The following NSUN6 variants were observed in gnomAD, a reference collection of about 807,000 sequenced individuals.
NSUN6 encodes tRNA (cytosine(72)-C(5))-methyltransferase NSUN6.
A neutral mutation model predicts 58.0 loss-of-function variants in NSUN6; 64 were observed. The observed-to-expected ratio is 1.10, with a 90% confidence interval of 0.90 to 1.36. The LOEUF is 1.36. Ranked by LOEUF, NSUN6 falls within the 40% of genes most tolerant of loss-of-function variation. NSUN6 has a pLI of 0.00. For missense variants in NSUN6, 701 were observed against 550.1 expected (o/e 1.27, Z -2.74); for synonymous variants, 231 against 193.9 (o/e 1.19, Z -1.59).
At chr10:18,611,864 C>T (rs1319305197) in intron 5 of NSUN6, among the ~76,000 whole-genome samples, 1 of 152,242 alleles carries the variant, frequency 6.6e-6, no homozygotes, top group Non-Finnish European at 1.5e-5. Flanking sequence ...AGCCACCATG[C>T]CTGGCGCCCT....
intron 3 of NSUN6, among the ~76,000 whole-genome samples, chr10:18,624,288 A>G (rs2058709558): frequency 6.6e-6 from 1 of 151,970 alleles, no homozygotes; most frequent in Non-Finnish European, 1.5e-5. Flanking sequence ...TTTTAGAGAT[A>G]AGAAAAGCAA....
chr10:18,630,288 C>T (rs1258125988), intron 3 of NSUN6, among the ~76,000 whole-genome samples: 101 of 148,538 alleles, frequency 6.8e-4, no homozygotes, highest in African/African-American at 2.4e-3. Context: ...ACTAAATGCC[C>T]ACAAGAGAAA....
intron 7 of NSUN6, among the ~76,000 whole-genome samples, chr10:18,591,842 A>T (rs1221592118): frequency 6.6e-6 from 1 of 152,168 alleles, no homozygotes; most frequent in Non-Finnish European, 1.5e-5. Context: ...ACTCCTATTC[A>T]ACATAGTATT....
chr10:18,639,913 T>A (rs146749724), intron 3 of NSUN6, among the ~76,000 whole-genome samples: 9 of 152,212 alleles, frequency 5.9e-5, no homozygotes, highest in Non-Finnish European at 1.2e-4. Context: ...ACCTTTGAAC[T>A]GGTTATTCTG....
At chr10:18,632,649 G>GA (rs2059074280) in intron 3 of NSUN6, among the ~76,000 whole-genome samples, 1 of 152,152 alleles carries the variant, frequency 6.6e-6, no homozygotes, top group Non-Finnish European at 1.5e-5. Context: ...AAAGACACAC[G>GA]AAAAAATGCT....
At chr10:18,550,581 G>C (rs902824030) in intron 9 of NSUN6, among the ~76,000 whole-genome samples, 5 of 151,970 alleles carry the variant, frequency 3.3e-5, no homozygotes, top group African/African-American at 1.2e-4. Context: ...GTTCTATCTG[G>C]GCTTCTGAAA....
chr10:18,611,504 A>G (rs2058234471), intron 5 of NSUN6, among the ~76,000 whole-genome samples: 1 of 152,128 alleles, frequency 6.6e-6, no homozygotes. Context: ...GTATGACTAT[A>G]AACTCCCCTC....
intron 1 of NSUN6, 117 bp downstream of exon 1, chr10:18,651,008 TAGAC>T (rs2059687937): frequency 1.4e-5 from 16 of 1,132,912 alleles, no homozygotes; most frequent in Non-Finnish European, 2.0e-5. Context: ...TTACACTTGA[TAGAC>T]AAGTAGTAAG....
chr10:18,626,230 T>C (rs10829039), intron 3 of NSUN6, among the ~76,000 whole-genome samples: 52,629 of 150,748 alleles, frequency 0.35, 9,744 homozygotes, highest in East Asian at 0.74. Flanking sequence ...AGCTTGACAA[T>C]GTTTAAAAAA....
intron 5 of NSUN6, among the ~76,000 whole-genome samples, chr10:18,612,586 A>C (rs1398261525): frequency 6.6e-6 from 1 of 152,166 alleles, no homozygotes; most frequent in Non-Finnish European, 1.5e-5. Context: ...AAAAATACTG[A>C]AACTTGAAAA....
intron 5 of NSUN6, among the ~76,000 whole-genome samples, chr10:18,613,866 G>C (rs911479058): frequency 1.3e-5 from 2 of 152,130 alleles, no homozygotes; most frequent in Non-Finnish European, 2.9e-5. Context: ...TAATGGAGCT[G>C]TCCACAGAAC....
intron 2 of NSUN6, 26 bp from the exon 3 acceptor site, chr10:18,642,581 A>C: frequency 8.9e-7 from 1 of 1,125,614 alleles, no homozygotes; most frequent in Middle Eastern, 2.1e-4. Context: ...ATGATTATAA[A>C]GTAATCCATA....
intron 3 of NSUN6, among the ~76,000 whole-genome samples, chr10:18,619,840 A>G (rs2058539241): frequency 6.6e-6 from 1 of 152,172 alleles, no homozygotes; most frequent in Non-Finnish European, 1.5e-5. Context: ...TTTTTATATC[A>G]TTTGAGATCT....
rs2054204862 is a variant in NSUN6 at position 18,545,587 on chromosome 10, G to A, written c.*346C>T. On this transcript the variant is annotated 3_prime_UTR_variant, in exon 11 of 11. Coordinates refer to ENST00000377304, the MANE Select transcript of NSUN6 (RefSeq NM_182543.5). ...CAAATATTGCTAATTTATTCCTTTT[G>A]TTAGATTCACTAATTTTTAACATTA... 2 of 173,278 alleles carry A rather than the reference G, an allele frequency of 1.2e-5. No individual in the cohort carries two copies. The highest frequency in any genetic ancestry group is 2.4e-5 in the Non-Finnish European group (2 of 82,170). The allele number at this position is 173,278 out of a possible 1,614,324, so 10.7% of individuals were successfully genotyped here.
intron 8 of NSUN6, among the ~76,000 whole-genome samples, chr10:18,554,538 T>C (rs556005388): frequency 8.3e-5 from 12 of 145,292 alleles, no homozygotes; most frequent in African/African-American, 3.1e-4. Context: ...AGAATGGGTA[T>C]GAATGGAATA....
At chr10:18,657,356 A>G (rs2059788404), upstream of NSUN6, among the ~76,000 whole-genome samples, 1 of 152,212 alleles carries the variant, frequency 6.6e-6, no homozygotes, top group African/African-American at 2.4e-5. Flanking sequence ...ATTGTCAGGT[A>G]AATTGTTCAT....
At chr10:18,625,704 CTA>C (rs2131426041) in intron 3 of NSUN6, among the ~76,000 whole-genome samples, 1 of 96,598 alleles carries the variant, frequency 1.0e-5, no homozygotes, top group African/African-American at 4.1e-5. Flanking sequence ...CAGAGTGAGA[CTA>C]TGTGTTTTTT....
intron 8 of NSUN6, among the ~76,000 whole-genome samples, chr10:18,573,084 CTCCAT>C (rs1275678310): frequency 2.7e-5 from 4 of 145,494 alleles, no homozygotes; most frequent in African/African-American, 1.0e-4. Flanking sequence ...CTCCGTTCCA[CTCCAT>C]TCCATTCCAT....
intron 10 of NSUN6, 60 bp from the exon 11 acceptor site, chr10:18,546,205 TAC>T: frequency 2.6e-6 from 3 of 1,166,238 alleles, no homozygotes; most frequent in Non-Finnish European, 3.9e-6. Context: ...GTATGACTGC[TAC>T]AATTTAAGTT....
Sources: allele counts gnomAD v4.1 joint callset (sites outside exome capture counted in the v4.1 genomes callset), GRCh38; gene constraint gnomAD v4.1.1; transcripts MANE v1.5; gene names NCBI Gene and HGNC (gene_info 2026-07-23, HGNC 2026-07-21).